NOS1: variants seen among roughly 807,000 people sequenced by gnomAD.
The protein encoded by NOS1 is nitric oxide synthase 1, also known as NOS type I.
A neutral mutation model predicts 164.5 loss-of-function variants in NOS1; 51 were observed. The ratio of observed to expected loss-of-function variants is 0.31; its 90% CI spans 0.25 to 0.39. The LOEUF (loss-of-function observed/expected upper bound fraction) is 0.39, where lower values mean the gene tolerates loss of function less well. Ranked by LOEUF, NOS1 falls within the 10% of genes least tolerant of loss-of-function variation. NOS1 has a pLI of 1.00. For synonymous variants in NOS1, 719 were observed against 745.8 expected, an observed-to-expected ratio of 0.96 and a Z score of 0.59; for missense variants, 1,362 against 1,885.6, an observed-to-expected ratio of 0.72 and a Z score of 5.14.
At chr12:117,276,562 C>T (rs1016704285) in intron 9 of NOS1, among the ~76,000 whole-genome samples, 26 of 152,130 alleles carry the variant, frequency 1.7e-4, no homozygotes, top group African/African-American at 5.1e-4. Context: ...GAATTACAGG[C>T]GTGAGCCACC....
intron 15 of NOS1, among the ~76,000 whole-genome samples, chr12:117,258,775 C>T (rs773229635): frequency 2.0e-5 from 3 of 152,200 alleles, no homozygotes; most frequent in Non-Finnish European, 4.4e-5. Flanking sequence ...ATAGGAGCAG[C>T]CACTGCAAAC....
At chr12:117,260,281 C>T (rs1871798457) in intron 14 of NOS1, among the ~76,000 whole-genome samples, 184 bp downstream of exon 14, 1 of 152,174 alleles carries the variant, frequency 6.6e-6, no homozygotes, top group Admixed American at 6.5e-5. Flanking sequence ...GACTCCTGGA[C>T]TCATGGGGAC....
rs1344896460 is a variant in NOS1 at position 117,280,882 on chromosome 12, G to A, written c.1383-16C>T. The A allele has an allele frequency of 1.3e-5, 21 of 1,612,180 alleles. No individual in the cohort carries two copies. Among genetic ancestry groups the A allele is most frequent in the Non-Finnish European group, 1.7e-5 (20 of 1,178,840 alleles). On this transcript the variant is annotated splice_polypyrimidine_tract_variant and intron_variant, in intron 7 of 28. Coordinates refer to ENST00000317775, the MANE Select transcript of NOS1 (RefSeq NM_000620.5). ...GATGGCAGACCTGTGGTGGAGAGAG[G>A]GGAACACCCGGCATCAGGGCGGGAC... is the stretch of plus-strand genomic sequence containing the variant.
rs148617054 is a variant in NOS1 at position 117,324,808 on chromosome 12, C to T, written c.725+5537G>A. On this transcript the variant is annotated intron_variant, in intron 2 of 28. Transcript: ENST00000317775. Reference sequence around the variant, plus strand: ...ACTATCTGCCTTCCCCAAACCCCCTCGTATTGCTGCCACTGCCTGCTGGAG... The same window carrying T: ...ACTATCTGCCTTCCCCAAACCCCCTTGTATTGCTGCCACTGCCTGCTGGAG... 2.2e-3 allele frequency among the ~76,000 whole-genome samples: 339 copies of T among 152,262 alleles called. 2 individuals are homozygous for T. Among genetic ancestry groups the T allele is most frequent in the Non-Finnish European group, 4.1e-3 (278 of 68,018 alleles).
At position 117,311,300 on chromosome 12, in the gene NOS1, G is replaced by A. The variant is rs1319245101; in HGVS notation, c.852+166C>T. On this transcript the variant is annotated intron_variant, in intron 3 of 28. Coordinates refer to ENST00000317775, the MANE Select transcript of NOS1 (RefSeq NM_000620.5). ...AAAAACAAAGTCGAGATCCACATCC[G>A]AGGATAAGCACTCCTGACCTCGGCC... Among the ~76,000 whole-genome samples, 4 of 152,096 alleles carry A rather than the reference G, an allele frequency of 2.6e-5. No homozygotes were observed. The East Asian group carries it at 5.8e-4, about 22-fold the overall frequency.
At chr12:117,299,155 G>T (rs1261649796) in intron 3 of NOS1, among the ~76,000 whole-genome samples, 3 of 152,230 alleles carry the variant, frequency 2.0e-5, no homozygotes, top group African/African-American at 7.2e-5. Flanking sequence ...CTGGTTACAA[G>T]CTGGGACAGC....
rs1956576038 is a variant in NOS1 at position 117,214,717 on chromosome 12, G to A, written c.*592C>T. 2.0e-6 allele frequency: 2 copies of A among 985,196 alleles called. No homozygotes were observed. Among genetic ancestry groups the A allele is most frequent in the African/African-American group, 1.7e-5 (1 of 57,182 alleles). The allele number at this position is 985,196 out of a possible 1,614,324, so 61.0% of individuals were successfully genotyped here. On this transcript the variant is annotated 3_prime_UTR_variant, in exon 29 of 29. Coordinates refer to ENST00000317775, the MANE Select transcript of NOS1 (RefSeq NM_000620.5). ...GTGGACCCTAATTATGGACACACGA[G>A]GGATTAATATGGGCCAGGGACACGT...
intron 26 of NOS1, among the ~76,000 whole-genome samples, chr12:117,222,287 A>T (rs1452844745): frequency 1.3e-5 from 2 of 152,008 alleles, no homozygotes; most frequent in Non-Finnish European, 2.9e-5. Context: ...ATGGAGTCTC[A>T]CTTTGTCACC....
chr12:117,209,810 G>T lies in NOS1; in HGVS notation c.*5499C>A, dbSNP rs1432483207. ...TGCCACAAGGCAGGGACTGGCAGTG[G>T]GCCAAGGATAGGGAGTGTGAGATAA... is the stretch of plus-strand genomic sequence containing the variant. On this transcript the variant is annotated 3_prime_UTR_variant, in exon 29 of 29. Transcript: ENST00000317775. The T allele has an allele frequency of 5.1e-6, 5 of 985,326 alleles. No individual in the cohort carries two copies. The highest frequency in any genetic ancestry group is 4.8e-6 in the Non-Finnish European group (4 of 829,968). 61.0% of individuals were successfully genotyped at this position (985,326 alleles called of 1,614,324 possible). A position where few individuals can be genotyped will look rare whatever the true frequency, so the allele number is the denominator to read the frequency against.
rs146683305 is a variant in NOS1 at position 117,250,245 on chromosome 12, C to G, written c.2649-2723G>C. ...TCATATTGTAACATTTCATCTTCCT[C>G]TTCTTCCTTGCCCTCCTTTCCCCAG... On this transcript the variant is annotated intron_variant, in intron 17 of 28. Transcript: ENST00000317775. 5.6e-3 allele frequency among the ~76,000 whole-genome samples: 856 copies of G among 152,132 alleles called. 7 individuals are homozygous for G. The highest frequency in any genetic ancestry group is 0.02 in the African/African-American group (813 of 41,474).
At chr12:117,360,315 T>G (rs537597680) in intron 1 of NOS1, among the ~76,000 whole-genome samples, 1 of 152,204 alleles carries the variant, frequency 6.6e-6, no homozygotes, top group South Asian at 2.1e-4. Flanking sequence ...AGAGAGCCCC[T>G]TCCGGGACCT....
intron 1 of NOS1, among the ~76,000 whole-genome samples, chr12:117,350,400 C>T (rs764747881): frequency 1.6e-4 from 25 of 152,162 alleles, no homozygotes; most frequent in Admixed American, 1.4e-3. Context: ...AGTCACACCT[C>T]CTCAATTAAC....
intron 1 of NOS1, among the ~76,000 whole-genome samples, chr12:117,345,265 C>T (rs896960754): frequency 2.6e-5 from 4 of 152,146 alleles, no homozygotes; most frequent in African/African-American, 4.8e-5. Context: ...TCATGTGATC[C>T]GTCTGCCTCG....
chr12:117,253,911 C>G (rs1462622169), intron 16 of NOS1, among the ~76,000 whole-genome samples, 157 bp from the exon 17 acceptor site: 1 of 152,100 alleles, frequency 6.6e-6, no homozygotes, highest in Non-Finnish European at 1.5e-5. Context: ...CTATAATCTA[C>G]CAACTTACCC....
At chr12:117,323,071 C>T (rs569590049) in intron 2 of NOS1, among the ~76,000 whole-genome samples, 46 of 152,254 alleles carry the variant, frequency 3.0e-4, no homozygotes, top group Admixed American at 1.4e-3. Context: ...GTGCCCCTGC[C>T]GTGTTGTCAG....
At chr12:117,227,678 C>G in intron 22 of NOS1, 37 bp from the exon 23 acceptor site, 1 of 1,602,446 alleles carries the variant, frequency 6.2e-7, no homozygotes, top group East Asian at 2.2e-5. Flanking sequence ...AGCTTGAACC[C>G]AGCTGCCACA....
intron 22 of NOS1, among the ~76,000 whole-genome samples, chr12:117,229,907 G>A (rs1202941314): frequency 6.6e-6 from 1 of 150,560 alleles, no homozygotes; most frequent in African/African-American, 2.4e-5. Context: ...TATAGAGATG[G>A]GGTCTTGCTT....
In NOS1 at chr12:117,208,391, C is replaced by CGTGCGTGTGTGTGTGT; in HGVS notation, c.*6917_*6918insACACACACACACGCAC. 1.6e-6 allele frequency: 2 copies of CGTGCGTGTGTGTGTGT among 1,242,454 alleles called. No individual in the cohort carries two copies. Among genetic ancestry groups the CGTGCGTGTGTGTGTGT allele is most frequent in the South Asian group, 1.3e-5 (1 of 78,736 alleles). 77.0% of individuals were successfully genotyped at this position (1,242,454 alleles called of 1,614,324 possible). The stretch of plus-strand genomic sequence containing the variant: ...GGGGGGACGGCCGAGTTTCTGACAG[C>CGTGCGTGTGTGTGTGT]GTGTGTGTGTGTGTGTGTGTGTGTG... On this transcript the variant is annotated 3_prime_UTR_variant, in exon 29 of 29. Coordinates refer to ENST00000317775, the MANE Select transcript of NOS1 (RefSeq NM_000620.5).
At chr12:117,340,131 A>C (rs1385082303) in intron 1 of NOS1, among the ~76,000 whole-genome samples, 1 of 152,068 alleles carries the variant, frequency 6.6e-6, no homozygotes, top group Non-Finnish European at 1.5e-5. Flanking sequence ...TGGCCTCCTG[A>C]GTAACTGGAC....
Sources: gnomAD v4.1 joint callset for allele counts (sites outside exome capture counted in the v4.1 genomes callset) on GRCh38, gnomAD v4.1.1 for gene constraint, MANE v1.5 for transcripts, NCBI Gene and HGNC (gene_info 2026-07-23, HGNC 2026-07-21) for gene names.